The following SIK3 variants were observed in gnomAD, a reference collection of about 807,000 sequenced individuals.
SIK3 encodes the protein SIK family kinase 3.
A neutral mutation model predicts 144.2 loss-of-function variants in SIK3; 28 were observed. That is an observed-to-expected ratio of 0.19 (90% CI 0.14 to 0.27). The LOEUF is 0.27. SIK3 is among the 10% of genes least tolerant of loss of function. The pLI is 1.00. For synonymous variants in SIK3, 686 were observed against 676.3 expected (o/e 1.01, Z -0.22); for missense variants, 1,319 against 1,776.0 (o/e 0.74, Z 4.62).
chr11:116,995,504 C>T (rs553812263), intron 1 of SIK3, among the ~76,000 whole-genome samples: 1 of 152,040 alleles, frequency 6.6e-6, no homozygotes, highest in East Asian at 2.0e-4. Context: ...CTCAAGGCAT[C>T]CACCCACCTC....
chr11:116,889,115 A>C (rs892242647), intron 6 of SIK3, among the ~76,000 whole-genome samples: 2 of 152,232 alleles, frequency 1.3e-5, no homozygotes, highest in African/African-American at 4.8e-5. Context: ...ACTAAATTTG[A>C]ATACTGACCT....
At chr11:117,065,734 A>C (rs1421096095) in intron 1 of SIK3, among the ~76,000 whole-genome samples, 1 of 151,632 alleles carries the variant, frequency 6.6e-6, no homozygotes, top group Non-Finnish European at 1.5e-5. Context: ...GATTCAAGCA[A>C]TTCATCTGCC....
intron 13 of SIK3, among the ~76,000 whole-genome samples, chr11:116,870,713 T>C (rs1040866428): frequency 6.6e-6 from 1 of 152,152 alleles, no homozygotes; most frequent in African/African-American, 2.4e-5. Context: ...CATTTTACAG[T>C]CTAGTAGAGG....
rs891934905 is a variant in SIK3 at position 116,845,077 on chromosome 11, C to T, written c.*566G>A. 1 of 151,998 alleles carries T rather than the reference C, an allele frequency of 6.6e-6. No homozygotes were observed. The highest frequency in any genetic ancestry group is 2.4e-5 in the African/African-American group (1 of 41,376). 9.4% of individuals were successfully genotyped at this position (151,998 alleles called of 1,614,324 possible). On this transcript the variant is annotated 3_prime_UTR_variant, in exon 25 of 25. Transcript: ENST00000445177. ...TTTTTGTTTTCTAAGTGCCAGAAGC[C>T]GTCACCCTTCCTCTCTCCCTTTGCC...
At chr11:117,020,734 C>T (rs1485266553) in intron 1 of SIK3, among the ~76,000 whole-genome samples, 4 of 152,188 alleles carry the variant, frequency 2.6e-5, no homozygotes, top group South Asian at 4.1e-4. Flanking sequence ...GAAGCTCCTG[C>T]GTTCAGTACT....
intron 1 of SIK3, among the ~76,000 whole-genome samples, chr11:116,989,569 T>C (rs936273309): frequency 5.1e-4 from 60 of 116,868 alleles, no homozygotes; most frequent in African/African-American, 1.4e-3. Flanking sequence ...AATTATAAAT[T>C]GAAACTAAAG....
intron 1 of SIK3, among the ~76,000 whole-genome samples, chr11:116,978,492 T>C (rs1245502316): frequency 6.6e-6 from 1 of 152,114 alleles, no homozygotes; most frequent in African/African-American, 2.4e-5. Flanking sequence ...CTAAACTTTA[T>C]GCAAATAGAA....
At chr11:116,941,580 T>C (rs545035118) in intron 3 of SIK3, among the ~76,000 whole-genome samples, 3 of 152,326 alleles carry the variant, frequency 2.0e-5, no homozygotes, top group Admixed American at 2.0e-4. Context: ...TCTGTCCTAA[T>C]AGTTTTTGAG....
At chr11:116,957,420 A>G (rs895723724) in intron 1 of SIK3, among the ~76,000 whole-genome samples, 4 of 152,306 alleles carry the variant, frequency 2.6e-5, no homozygotes, top group Non-Finnish European at 4.4e-5. Flanking sequence ...CATTAAGACA[A>G]GAAGCTTTAA....
chr11:117,033,404 A>C (rs992829003), intron 1 of SIK3, among the ~76,000 whole-genome samples: 5 of 152,144 alleles, frequency 3.3e-5, no homozygotes, highest in African/African-American at 1.2e-4. Flanking sequence ...GAACTACATA[A>C]AAATATAGAA....
At chr11:116,984,050 C>CA (rs35403684) in intron 1 of SIK3, among the ~76,000 whole-genome samples, 13,241 of 80,456 alleles carry the variant, frequency 0.16, 1,402 homozygotes, top group African/African-American at 0.28. Context: ...GACCCTGACT[C>CA]AAAAAAAAAA....
intron 3 of SIK3, among the ~76,000 whole-genome samples, chr11:116,944,293 T>C (rs11605888): frequency 1.4e-4 from 21 of 152,218 alleles, no homozygotes; most frequent in African/African-American, 4.8e-4. Flanking sequence ...TCTGGGAGCC[T>C]TGGGTCATGC....
At chr11:117,055,335 T>G (rs529022972) in intron 1 of SIK3, among the ~76,000 whole-genome samples, 1 of 152,366 alleles carries the variant, frequency 6.6e-6, no homozygotes, top group South Asian at 2.1e-4. Context: ...CATGAGACAC[T>G]ATTTTAAATG....
intron 1 of SIK3, among the ~76,000 whole-genome samples, chr11:117,095,443 C>A (rs1248029247): frequency 1.3e-5 from 2 of 152,082 alleles, no homozygotes; most frequent in East Asian, 3.8e-4. Context: ...CTCTCTGTTT[C>A]CAAATGACCC....
chr11:117,052,058 C>G (rs1237941072), intron 1 of SIK3, among the ~76,000 whole-genome samples: 1 of 151,908 alleles, frequency 6.6e-6, no homozygotes, highest in African/African-American at 2.4e-5. Context: ...AGGAGAATTG[C>G]TTGAAACCGG....
intron 1 of SIK3, among the ~76,000 whole-genome samples, chr11:117,077,804 T>C (rs1194956439): frequency 1.3e-5 from 2 of 152,226 alleles, no homozygotes; most frequent in African/African-American, 2.4e-5. Flanking sequence ...AAGTCAACTA[T>C]TCTGCTACAT....
At chr11:116,876,173 T>C in intron 8 of SIK3, 80 bp downstream of exon 8, 1 of 1,512,002 alleles carries the variant, frequency 6.6e-7, no homozygotes, top group East Asian at 2.3e-5. Flanking sequence ...AGGCCCAAGT[T>C]CCCGAGAAGG....
chr11:116,870,997 G>A (rs543031537), intron 13 of SIK3, among the ~76,000 whole-genome samples: 19 of 152,234 alleles, frequency 1.2e-4, no homozygotes, highest in South Asian at 4.2e-4. Context: ...TGTGATTTCC[G>A]GAGTTTAAAT....
chr11:116,859,381 G>A lies in SIK3; in HGVS notation c.2649C>T (p.Ile883=). Reference sequence around the variant, plus strand: ...TCTGCATCTGACCAGCACTGGGGCTGATGGAGATGCCGCGCCCACTGGAGC... The same window carrying A: ...TCTGCATCTGACCAGCACTGGGGCTAATGGAGATGCCGCGCCCACTGGAGC... ...AAGSSGRGIS[I]SPSAGQMQMQ... is the part of the protein sequence containing the mutation. The change falls in exon 20 of 25, where the codon ATC becomes ATT. Residue 883 remains isoleucine, a synonymous_variant. Transcript: ENST00000445177. 6.2e-7 allele frequency: 1 copy of A among 1,614,212 alleles called. No individual in the cohort carries two copies. The highest frequency in any genetic ancestry group is 8.5e-7 in the Non-Finnish European group (1 of 1,180,036).
Sources: allele counts gnomAD v4.1 joint callset (sites outside exome capture counted in the v4.1 genomes callset), GRCh38; gene constraint gnomAD v4.1.1; transcripts MANE v1.5; gene names NCBI Gene and HGNC (gene_info 2026-07-23, HGNC 2026-07-21).